The following BRPF3 variants were observed in gnomAD, a reference collection of about 807,000 sequenced individuals.
BRPF3 encodes the protein bromodomain and PHD finger containing 3, also known as bromodomain and PHD finger-containing protein 3.
BRPF3 carries 18 observed loss-of-function variants against 102.0 expected under a neutral mutation model. That is an observed-to-expected ratio of 0.18 (90% confidence interval 0.12 to 0.26). The LOEUF (loss-of-function observed/expected upper bound fraction) is 0.26. Among genes scored for constraint, BRPF3 ranks in the 10% least tolerant of loss-of-function variants. BRPF3 has a pLI of 1.00. For synonymous variants in BRPF3, 570 were observed against 614.2 expected (o/e 0.93, Z 1.06); for missense variants, 1,147 against 1,567.8 (o/e 0.73, Z 4.53).
At position 36,207,461 on chromosome 6, in the gene BRPF3, A is replaced by G. The variant is rs1332817232; in HGVS notation, c.1737+17A>G. On this transcript the variant is annotated intron_variant, in intron 4 of 12. Transcript: ENST00000357641. ...CGAGAGCAGGTAAGGAGGAGCCCCCAGCCCTAGGGCCCTAGTTCAAGGCCA... is the reference window on the plus strand; with the variant it reads ...CGAGAGCAGGTAAGGAGGAGCCCCCGGCCCTAGGGCCCTAGTTCAAGGCCA... 6.2e-7 allele frequency: 1 copy of G among 1,613,504 alleles called. No individual in the cohort carries two copies.
At chr6:36,204,899 C>G in intron 3 of BRPF3, 85 bp downstream of exon 3, 1 of 1,544,642 alleles carries the variant, frequency 6.5e-7, no homozygotes, top group Non-Finnish European at 8.8e-7. Flanking sequence ...GCTGGCACCC[C>G]TTCTTGATCC....
chr6:36,228,966 C>T lies in BRPF3; in HGVS notation c.3344C>T (p.Pro1115Leu), dbSNP rs1437335054. Residue 1115 changes from proline to leucine, a missense_variant, in exon 12 of 13, where the codon CCG becomes CTG. By Grantham distance (98) the Pro-to-Leu change is moderately conservative (BLOSUM62 -3). Transcript: ENST00000357641. The part of the protein sequence containing the change: ...LHNGVPIPVP[P>L]LDVLKLGEQK... ...AATGGCGTTCCCATCCCTGTCCCCCCGCTGGACGTGCTGAAGCTGGGAGAG... is the reference window on the plus strand; with the variant it reads ...AATGGCGTTCCCATCCCTGTCCCCCTGCTGGACGTGCTGAAGCTGGGAGAG... 1.2e-6 allele frequency: 2 copies of T among 1,614,232 alleles called. No homozygotes were observed. The highest frequency in any genetic ancestry group is 8.5e-7 in the Non-Finnish European group (1 of 1,180,042).
At chr6:36,204,535 G>T in intron 2 of BRPF3, 123 bp from the exon 3 acceptor site, 2 of 1,103,736 alleles carry the variant, frequency 1.8e-6, no homozygotes, top group Non-Finnish European at 2.8e-6. Flanking sequence ...TGAGGTATTT[G>T]GCCATTTTAT....
At chr6:36,212,294 G>C (rs919347352) in intron 7 of BRPF3, among the ~76,000 whole-genome samples, 1 of 152,138 alleles carries the variant, frequency 6.6e-6, no homozygotes, top group Non-Finnish European at 1.5e-5. Context: ...CTTCGGATCC[G>C]AGCCTATAGC....
In BRPF3 at chr6:36,201,469, T is replaced by C. The variant is rs1244790686; in HGVS notation, c.1147T>C (p.Cys383Arg). Residue 383 changes from cysteine to arginine, a missense_variant, in exon 2 of 13, where the codon TGT becomes CGT. Cys to Arg is a radical substitution (Grantham distance 180, BLOSUM62 -3). Coordinates refer to ENST00000357641, the MANE Select transcript of BRPF3 (RefSeq NM_015695.3). The surrounding 1 kb of genome is among the most constrained non-coding windows in gnomAD (Gnocchi z 5.1). ...TIFTVRKTAY[C>R]EAHSPPGAAT... ...CTTTACAGTGCGCAAGACTGCCTAC[T>C]GTGAGGCCCACTCGCCACCAGGTGC... 1 of 1,614,138 alleles carries C rather than the reference T, an allele frequency of 6.2e-7. No individual in the cohort carries two copies. Among genetic ancestry groups the C allele is most frequent in the Non-Finnish European group, 8.5e-7 (1 of 1,180,034 alleles).
intron 7 of BRPF3, among the ~76,000 whole-genome samples, chr6:36,212,503 C>T (rs1454950562): frequency 1.3e-5 from 2 of 149,964 alleles, no homozygotes; most frequent in Admixed American, 1.3e-4. Flanking sequence ...GTCAGCATGC[C>T]ATTTGTATCC....
Position 36,207,354 on chromosome 6 carries a change from G to C in BRPF3, c.1647G>C (p.Leu549=), listed in dbSNP as rs900042029. Residue 549 remains leucine, a synonymous_variant, in exon 4 of 13, where the codon CTG becomes CTC. Transcript: ENST00000357641. Reference sequence around the variant, plus strand: ...AGACAAGTGCAGTGAAGGAGGAGCTGAAGTATTGGCAGAAGCTCCGGCATG... The same window carrying C: ...AGACAAGTGCAGTGAAGGAGGAGCTCAAGTATTGGCAGAAGCTCCGGCATG... The part of the protein sequence containing the change: ...DEKTSAVKEE[L]KYWQKLRHDL... 1.2e-6 allele frequency: 2 copies of C among 1,614,118 alleles called. No homozygotes were observed. The highest frequency in any genetic ancestry group is 2.7e-5 in the African/African-American group (2 of 75,050).
In BRPF3 at chr6:36,200,439, G is replaced by T. The variant is rs1164369794; in HGVS notation, c.117G>T (p.Arg39=). 1 of 1,614,280 alleles carries T rather than the reference G, an allele frequency of 6.2e-7. No individual in the cohort carries two copies. Among genetic ancestry groups the T allele is most frequent in the South Asian group, 1.1e-5 (1 of 91,086 alleles). ...RETLTYAQAQ[R]IVEVDIDGRL... ...CCCTGACATATGCCCAGGCCCAGCG[G>T]ATTGTCGAGGTAGACATTGATGGAC... The change falls in exon 2 of 13, where the codon CGG becomes CGT. Residue 39 remains arginine (R), a synonymous_variant. Coordinates refer to ENST00000357641, the MANE Select transcript of BRPF3 (RefSeq NM_015695.3). This position sits in a 1 kb window ranked among gnomAD's most constrained non-coding sequence, Gnocchi z 5.3.
chr6:36,217,945 C>T lies in BRPF3; in HGVS notation c.3018C>T (p.Thr1006=), dbSNP rs759553051. The part of the protein sequence containing the change: ...TGMTNGFGKH[T]ESGSDSECSL... ...TGACCAACGGCTTTGGAAAACACAC[C>T]GAAAGCGGGTCTGACTCTGAATGTA... The change falls in exon 9 of 13, where the codon ACC becomes ACT. Residue 1006 remains threonine, a synonymous_variant. Transcript: ENST00000357641. The T allele has an allele frequency of 9.9e-6, 16 of 1,613,340 alleles. No individual in the cohort carries two copies. Among genetic ancestry groups the T allele is most frequent in the Admixed American group, 3.3e-5 (2 of 59,908 alleles).
chr6:36,220,862 G>A (rs182350869), intron 9 of BRPF3, among the ~76,000 whole-genome samples: 4 of 152,092 alleles, frequency 2.6e-5, no homozygotes, highest in Non-Finnish European at 1.5e-5. Flanking sequence ...CTTAGCATAC[G>A]TTCCTGATAA....
rs756119698 is a variant in BRPF3, at chr6:36,200,681, G to A, written c.359G>A (p.Arg120His). The A allele has an allele frequency of 2.0e-5, 32 of 1,614,022 alleles. No individual in the cohort carries two copies. The highest frequency in any genetic ancestry group is 9.9e-5 in the South Asian group (9 of 91,074). ...TSFHLPQPSF[R>H]MVDSGIQPEA... ...TTCCACCTCCCACAGCCCAGCTTCC[G>A]TATGGTGGACTCAGGCATCCAGCCA... The change falls in exon 2 of 13, where the codon CGT becomes CAT. Residue 120 changes from arginine (R) to histidine (H), a missense_variant. This residue lies in a region of BRPF3 where 221 missense variants were observed against 337.1 expected (regional missense o/e 0.66). Coordinates refer to ENST00000357641, the MANE Select transcript of BRPF3 (RefSeq NM_015695.3). The surrounding 1 kb of genome is among the most constrained non-coding windows in gnomAD (Gnocchi z 5.3).
intron 10 of BRPF3, 43 bp from the exon 11 acceptor site, chr6:36,225,224 A>G: frequency 6.4e-7 from 1 of 1,563,792 alleles, no homozygotes; most frequent in Middle Eastern, 1.8e-4. Context: ...GCACCATTCC[A>G]AGTCCCCTTT....
intron 9 of BRPF3, 84 bp downstream of exon 9, chr6:36,218,094 C>G: frequency 1.7e-6 from 2 of 1,209,938 alleles, no homozygotes; most frequent in South Asian, 2.8e-5. Context: ...GAACCTCTTC[C>G]TGCTTACCTT....
At chr6:36,199,093 T>C (rs1297945393) in intron 1 of BRPF3, among the ~76,000 whole-genome samples, 2 of 152,184 alleles carry the variant, frequency 1.3e-5, no homozygotes, top group East Asian at 3.9e-4. Context: ...TGGTGTATCC[T>C]GGATCAGGGG....
rs1306290249 is a variant in BRPF3 at position 36,230,381 on chromosome 6, G to A, written c.3435-45G>A. ...GGGGCCACAGGAGCCCGAGCCCCCT[G>A]TGAGACCCACTACTGCCCAGCCTCT... On this transcript the variant is annotated intron_variant, in intron 12 of 12. Coordinates refer to ENST00000357641, the MANE Select transcript of BRPF3 (RefSeq NM_015695.3). This position sits in a 1 kb window ranked among gnomAD's most constrained non-coding sequence, Gnocchi z 5.4. 7.5e-6 allele frequency: 12 copies of A among 1,596,016 alleles called. No individual in the cohort carries two copies. The highest frequency in any genetic ancestry group is 1.0e-5 in the Non-Finnish European group (12 of 1,167,566).
Position 36,204,825 on chromosome 6 carries a change from T to G in BRPF3, c.1605+11T>G. ...AGAAACGCTGAGCAGGTAGGTGCAG[T>G]GGTGATTTGAGGCTGGTAGAGGGAG... is the stretch of plus-strand genomic sequence containing the variant. On this transcript the variant is annotated intron_variant, in intron 3 of 12. Transcript: ENST00000357641. 6.2e-7 allele frequency: 1 copy of G among 1,610,292 alleles called. No individual in the cohort carries two copies. Among genetic ancestry groups the G allele is most frequent in the Non-Finnish European group, 8.5e-7 (1 of 1,176,914 alleles).
chr6:36,222,097 G>T, intron 9 of BRPF3, 71 bp from the exon 10 acceptor site: 1 of 1,428,854 alleles, frequency 7.0e-7, no homozygotes, highest in Non-Finnish European at 9.6e-7. Context: ...AGGGGAGAGG[G>T]GAGAAGGGGA....
At position 36,210,771 on chromosome 6, in the gene BRPF3, GA is replaced by G. The variant is rs1768077790; in HGVS notation, c.2179+247del. On this transcript the variant is annotated intron_variant, in intron 6 of 12. Transcript: ENST00000357641. The surrounding 1 kb of genome is among the most constrained non-coding windows in gnomAD (Gnocchi z 4.7). The stretch of plus-strand genomic sequence containing the variant: ...GGAATCAGGTACTAGTGGTCTGTTT[GA>G]AAAGCTTAAAGCCTCATCAGAGGTC... Among the ~76,000 whole-genome samples the G allele has an allele frequency of 6.6e-6, 1 of 152,228 alleles. No individual in the cohort carries two copies.
intron 3 of BRPF3, among the ~76,000 whole-genome samples, chr6:36,205,691 G>A (rs564248415): frequency 1.5e-4 from 23 of 152,258 alleles, no homozygotes; most frequent in African/African-American, 5.5e-4. Context: ...CTCTCTGACT[G>A]TACCCTATGC....
Sources: allele counts gnomAD v4.1 joint callset (sites outside exome capture counted in the v4.1 genomes callset), GRCh38; gene constraint gnomAD v4.1.1; regional missense constraint gnomAD v4.1.1; non-coding constraint Gnocchi (gnomAD v3.1); transcripts MANE v1.5; gene names NCBI Gene and HGNC (gene_info 2026-07-23, HGNC 2026-07-21).